Variants in NCOR2 observed in about 807,000 individuals in gnomAD.
NCOR2 encodes the protein nuclear receptor corepressor 2, also known as CTG repeat protein 26.
NCOR2 carries 81 observed loss-of-function variants against 262.9 expected under a neutral mutation model. The ratio of observed to expected loss-of-function variants is 0.31; its 90% CI spans 0.26 to 0.37. NCOR2 has a LOEUF of 0.37. NCOR2 is among the 10% of genes least tolerant of loss of function. NCOR2 has a pLI of 1.00. For missense variants in NCOR2, 3,385 were observed against 3,621.4 expected (o/e 0.93, Z 1.68); for synonymous variants, 1,659 against 1,559.3 (o/e 1.06, Z -1.51).
At position 124,327,384 on chromosome 12, in the gene NCOR2, G is replaced by T. The variant is rs200854970; in HGVS notation, c.7183+25C>A. 7.1e-4 allele frequency: 1,107 copies of T among 1,559,486 alleles called. 13 individuals carry two copies. The African/African-American group carries it at 0.013, about 19-fold the overall frequency. ...CACACCGGGGGTGGGGACAGACGGG[G>T]GCGGGGCGGGGGTGGCCTGCAGACC... On this transcript the variant is annotated intron_variant, in intron 45 of 46. Transcript: ENST00000405201.
chr12:124,494,152 G>A (rs1291464834), intron 1 of NCOR2, among the ~76,000 whole-genome samples: 1 of 152,194 alleles, frequency 6.6e-6, no homozygotes, highest in Non-Finnish European at 1.5e-5. Flanking sequence ...CTCACTGATG[G>A]AAACGTCCTC....
At chr12:124,427,840 G>A (rs1172084948) in intron 10 of NCOR2, among the ~76,000 whole-genome samples, 3 of 152,162 alleles carry the variant, frequency 2.0e-5, no homozygotes, top group African/African-American at 7.2e-5. Flanking sequence ...CCGGCCATGT[G>A]CTCTGACCAC....
At chr12:124,380,479 C>CCCCACAGGGCCCACAGGGATGCCCA (rs1267382545) in intron 17 of NCOR2, among the ~76,000 whole-genome samples, 1 of 152,184 alleles carries the variant, frequency 6.6e-6, no homozygotes, top group African/African-American at 2.4e-5. Context: ...TCTGCAACCC[C>CCCCACAGGGCCCACAGGGATGCCCA]GCACACGTCC....
intron 3 of NCOR2, among the ~76,000 whole-genome samples, chr12:124,473,430 G>A (rs557759586): frequency 6.6e-5 from 10 of 152,140 alleles, no homozygotes; most frequent in Non-Finnish European, 1.2e-4. Flanking sequence ...TCTTTCTCCC[G>A]TGCTGGATGC....
chr12:124,427,111 G>C (rs919044530), intron 10 of NCOR2, among the ~76,000 whole-genome samples: 12 of 152,172 alleles, frequency 7.9e-5, no homozygotes, highest in Non-Finnish European at 1.6e-4. Context: ...GCGCCATAAA[G>C]CACTGCAGGA....
exon 14 of NCOR2, chr12:124,402,474 C>G (rs1391192999): frequency 6.2e-7 from 1 of 1,612,658 alleles, no homozygotes; most frequent in Non-Finnish European, 8.5e-7. Context: ...TTTTCCTTCT[C>G]CTTCTCATCT....
chr12:124,383,258 A>G, intron 17 of NCOR2: 1 of 183,250 alleles, frequency 5.5e-6, no homozygotes, highest in South Asian at 1.9e-4. Context: ...CACTTCCCCA[A>G]GGCCACACAG....
intron 1 of NCOR2, among the ~76,000 whole-genome samples, chr12:124,509,971 T>A (rs1353773531): frequency 1.3e-5 from 2 of 151,888 alleles, no homozygotes; most frequent in Non-Finnish European, 2.9e-5. Context: ...CAGAACCAAA[T>A]GTGCTGATAA....
intron 10 of NCOR2, among the ~76,000 whole-genome samples, chr12:124,428,869 C>T (rs1057333446): frequency 3.3e-5 from 5 of 152,238 alleles, no homozygotes; most frequent in Non-Finnish European, 7.3e-5. Flanking sequence ...GTGGCTGCCT[C>T]GTGTCTGCTG....
chr12:124,387,862 C>T (rs1282337204), intron 16 of NCOR2, among the ~76,000 whole-genome samples: 3 of 149,242 alleles, frequency 2.0e-5, no homozygotes, highest in East Asian at 2.0e-4. Context: ...TGGGAGAGGG[C>T]GAGAGGGGGC....
intron 5 of NCOR2, 145 bp downstream of exon 7, chr12:124,466,028 T>G (rs2046398112): frequency 6.3e-6 from 5 of 790,908 alleles, no homozygotes; most frequent in Admixed American, 2.8e-5. Flanking sequence ...CCCCACCCAC[T>G]CATAAACCCT....
intron 18 of NCOR2, among the ~76,000 whole-genome samples, chr12:124,376,911 T>G (rs2040048828): frequency 6.6e-6 from 1 of 151,482 alleles, no homozygotes; most frequent in Admixed American, 6.6e-5. Flanking sequence ...CTTCAGAGAG[T>G]CAGAAAGGAG....
intron 1 of NCOR2, among the ~76,000 whole-genome samples, chr12:124,551,073 G>A (rs2051699201): frequency 6.6e-6 from 1 of 152,204 alleles, no homozygotes; most frequent in African/African-American, 2.4e-5. Context: ...AATAATGATA[G>A]CTAATGCCAC....
Position 124,388,772 on chromosome 12 carries a change from G to A in NCOR2, c.1877-2885C>T, listed in dbSNP as rs1028237036. ...CCCAGGGAGCGGGCCGAAGTGGGCC[G>A]GCAGGCTGGGCGGCCGCGGTCGGCT... is the stretch of plus-strand genomic sequence containing the variant. On this transcript the variant is annotated intron_variant, in intron 16 of 46. Coordinates refer to ENST00000405201, the Ensembl canonical transcript of NCOR2. 392 of 1,303,642 alleles carry A rather than the reference G, an allele frequency of 3.0e-4. 1 individual carries two copies. Among genetic ancestry groups the A allele is most frequent in the Non-Finnish European group, 3.6e-4 (353 of 988,832 alleles). The allele number at this position is 1,303,642 out of a possible 1,614,324, so 80.8% of individuals were successfully genotyped here.
At chr12:124,456,662 G>C (rs2136550498) in intron 6 of NCOR2, among the ~76,000 whole-genome samples, 1 of 152,210 alleles carries the variant, frequency 6.6e-6, no homozygotes, top group East Asian at 1.9e-4. Context: ...TTACAGATGA[G>C]GAAACTGAAG....
rs370827132 is a variant in NCOR2, at chr12:124,495,113, G to C, written c.105+34C>G. On this transcript the variant is annotated intron_variant, in intron 1 of 46. Transcript: ENST00000405201. This position sits in a 1 kb window ranked among gnomAD's most constrained non-coding sequence, Gnocchi z 4.4. ...GTGGAATGGAAGAAGGGTCTCAAAG[G>C]TAGCCCCAGGCGCACACATGTGCAC... 4 of 1,608,526 alleles carry C rather than the reference G, an allele frequency of 2.5e-6. No homozygotes were observed. The highest frequency in any genetic ancestry group is 3.4e-6 in the Non-Finnish European group (4 of 1,177,674).
intron 9 of NCOR2, 64 bp downstream of exon 11, chr12:124,430,551 C>G: frequency 6.5e-7 from 1 of 1,542,670 alleles, no homozygotes; most frequent in East Asian, 2.3e-5. Flanking sequence ...GCCATCTCTA[C>G]TGAGGATGCT....
intron 7 of NCOR2, among the ~76,000 whole-genome samples, chr12:124,448,533 T>A (rs1441813772): frequency 6.6e-6 from 1 of 152,122 alleles, no homozygotes; most frequent in African/African-American, 2.4e-5. Context: ...TGGCTGAGGA[T>A]GACCCCCCCG....
At chr12:124,417,589 C>T (rs1165854477) in intron 13 of NCOR2, among the ~76,000 whole-genome samples, 1 of 151,856 alleles carries the variant, frequency 6.6e-6, no homozygotes, top group African/African-American at 2.4e-5. Flanking sequence ...AGTAGGGGCC[C>T]AACAGACGCC....
Sources: allele counts gnomAD v4.1 joint callset (sites outside exome capture counted in the v4.1 genomes callset), GRCh38; gene constraint gnomAD v4.1.1; non-coding constraint Gnocchi (gnomAD v3.1); transcripts MANE v1.5; gene names NCBI Gene and HGNC (gene_info 2026-07-23, HGNC 2026-07-21).